FAM118B: variants seen among roughly 807,000 people sequenced by gnomAD.
FAM118B encodes the protein SIR2 antiphage like 1.
A neutral mutation model predicts 38.5 loss-of-function variants in FAM118B; 24 were observed. That is an observed-to-expected ratio of 0.62 (90% CI 0.45 to 0.88). The LOEUF (loss-of-function observed/expected upper bound fraction) is 0.88. Among genes scored for constraint, FAM118B ranks in the 40% least tolerant of loss-of-function variants. The pLI is 0.00. For missense variants in FAM118B, 334 were observed against 420.0 expected (o/e 0.80, Z 1.79); for synonymous variants, 138 against 156.3 (o/e 0.88, Z 0.87).
chr11:126,249,521 A>C lies in FAM118B; in HGVS notation c.340-985A>C, dbSNP rs1200301501. 2.6e-5 allele frequency among the ~76,000 whole-genome samples: 4 copies of C among 152,206 alleles called. No individual in the cohort carries two copies. In the East Asian group the frequency reaches 7.7e-4, roughly 29 times the overall value. Reference sequence around the variant, plus strand: ...GCTGAGGTGAGTGGATCACAAGGTCAGGAGTTCAAGACCAGCCTGGCCAAG... The same window carrying C: ...GCTGAGGTGAGTGGATCACAAGGTCCGGAGTTCAAGACCAGCCTGGCCAAG... On this transcript the variant is annotated intron_variant, in intron 4 of 8. Coordinates refer to ENST00000533050, the MANE Select transcript of FAM118B (RefSeq NM_024556.4).
At chr11:126,241,181 A>C in intron 4 of FAM118B, 137 bp downstream of exon 4, 1 of 950,598 alleles carries the variant, frequency 1.1e-6, no homozygotes, top group Non-Finnish European at 1.5e-6. Flanking sequence ...TTTCCATAAC[A>C]TTTGACTCTT....
Position 126,250,033 on chromosome 11 carries a change from T to C in FAM118B, c.340-473T>C, listed in dbSNP as rs1950476447. 6.6e-6 allele frequency among the ~76,000 whole-genome samples: 1 copy of C among 152,124 alleles called. No individual in the cohort carries two copies. The highest frequency in any genetic ancestry group is 1.9e-4 in the East Asian group (1 of 5,178). On this transcript the variant is annotated intron_variant, in intron 4 of 8. Transcript: ENST00000533050. The surrounding 1 kb of genome is among the most constrained non-coding windows in gnomAD (Gnocchi z 5.1). ...TAAGCATTGTGCTAAGCACTTGGCA[T>C]GTATCATCTCATCTTCCTTATTACG... is the stretch of plus-strand genomic sequence containing the variant.
rs80190007 is a variant in FAM118B at position 126,261,718 on chromosome 11, G to T, written c.1042+234G>T. 4.7e-3 allele frequency among the ~76,000 whole-genome samples: 714 copies of T among 152,310 alleles called. 4 individuals carry two copies. Among genetic ancestry groups the T allele is most frequent in the African/African-American group, 0.015 (637 of 41,558 alleles). On this transcript the variant is annotated intron_variant, in intron 8 of 8. Coordinates refer to ENST00000533050, the MANE Select transcript of FAM118B (RefSeq NM_024556.4). ...TTTGAAAAAAGTACTGCTGGGTGTG[G>T]TGGCTCAGGCCTGTAATCCCAGCAC...
intron 7 of FAM118B, among the ~76,000 whole-genome samples, chr11:126,258,968 G>A (rs1950626822): frequency 6.6e-6 from 1 of 152,180 alleles, no homozygotes; most frequent in Non-Finnish European, 1.5e-5. Context: ...TATTAGCTGT[G>A]TAGGCTTCCT....
chr11:126,241,099 A>C, intron 4 of FAM118B, 55 bp downstream of exon 4: 1 of 1,496,624 alleles, frequency 6.7e-7, no homozygotes, highest in Non-Finnish European at 9.0e-7. Flanking sequence ...TTTAACTATC[A>C]CAACTAGCAT....
intron 4 of FAM118B, among the ~76,000 whole-genome samples, chr11:126,249,309 G>A (rs1338841975): frequency 6.6e-6 from 1 of 152,182 alleles, no homozygotes; most frequent in Non-Finnish European, 1.5e-5. Context: ...GTATTAAATT[G>A]TTTACGTTAA....
In FAM118B at chr11:126,253,006, A is replaced by G. The variant is rs979505860; in HGVS notation, c.568-1299A>G. ...GCCAAGATTGCGCCACTGTGCTCCAATCTGGGCAACAGACCAAGACTCTGT... is the reference window on the plus strand; with the variant it reads ...GCCAAGATTGCGCCACTGTGCTCCAGTCTGGGCAACAGACCAAGACTCTGT... On this transcript the variant is annotated intron_variant, in intron 5 of 8. Transcript: ENST00000533050. This position sits in a 1 kb window ranked among gnomAD's most constrained non-coding sequence, Gnocchi z 5.1. 3.3e-5 allele frequency among the ~76,000 whole-genome samples: 5 copies of G among 152,210 alleles called. No individual in the cohort carries two copies. Among genetic ancestry groups the G allele is most frequent in the African/African-American group, 9.6e-5 (4 of 41,456 alleles).
intron 1 of FAM118B, among the ~76,000 whole-genome samples, chr11:126,222,593 G>C (rs147460207): frequency 3.9e-5 from 6 of 152,322 alleles, no homozygotes; most frequent in Non-Finnish European, 8.8e-5. Flanking sequence ...GAATCTTTAT[G>C]TTTAGGGATG....
In FAM118B at chr11:126,255,098, C is replaced by T. The variant is rs1950557127; in HGVS notation, c.696+665C>T. ...AGGCAGCTTCTTAACAAACCAACCA[C>T]TACTAGAGAATACATTCTAAAGAGA... On this transcript the variant is annotated intron_variant, in intron 6 of 8. Coordinates refer to ENST00000533050, the MANE Select transcript of FAM118B (RefSeq NM_024556.4). The surrounding 1 kb of genome is among the most constrained non-coding windows in gnomAD (Gnocchi z 4.6). 6.6e-6 allele frequency among the ~76,000 whole-genome samples: 1 copy of T among 152,194 alleles called. No individual in the cohort carries two copies. Among genetic ancestry groups the T allele is most frequent in the Non-Finnish European group, 1.5e-5 (1 of 68,032 alleles).
intron 1 of FAM118B, among the ~76,000 whole-genome samples, chr11:126,225,154 A>T (rs140325570): frequency 6.6e-6 from 1 of 152,330 alleles, no homozygotes; most frequent in East Asian, 1.9e-4. Context: ...TAAGAGAGGC[A>T]GCGATTGTGG....
At position 126,211,802 on chromosome 11, in the gene FAM118B, C is replaced by T; in HGVS notation, c.-105C>T. The T allele has an allele frequency of 1.4e-6, 1 of 720,998 alleles. No homozygotes were observed. The highest frequency in any genetic ancestry group is 2.7e-5 in the East Asian group (1 of 36,938). 44.7% of individuals were successfully genotyped at this position (720,998 alleles called of 1,614,324 possible). On this transcript the variant is annotated 5_prime_UTR_variant, in exon 1 of 9. Transcript: ENST00000533050. The stretch of plus-strand genomic sequence containing the variant: ...CGGCTGCGCCGGCCGGTAGCTGCAG[C>T]TGGAGCAGTGGCGTTTGGAGGAGAC...
intron 4 of FAM118B, among the ~76,000 whole-genome samples, chr11:126,245,996 C>CAAA (rs537478587): frequency 7.3e-5 from 6 of 82,264 alleles, no homozygotes; most frequent in African/African-American, 2.4e-4. Flanking sequence ...GACTCCGTCC[C>CAAA]AAAAAAAAAA....
intron 7 of FAM118B, among the ~76,000 whole-genome samples, chr11:126,259,150 G>A (rs1215216242): frequency 1.3e-5 from 2 of 152,180 alleles, no homozygotes; most frequent in African/African-American, 4.8e-5. Context: ...TTTGAAACGA[G>A]TCAACCTTAT....
intron 1 of FAM118B, chr11:126,214,490 GTTTTT>G (rs1340216655): frequency 3.9e-5 from 1 of 25,814 alleles, no homozygotes; most frequent in Non-Finnish European, 7.4e-5. Context: ...TTTTGTTTCT[GTTTTT>G]TTTTTTTGTT....
chr11:126,256,930 C>A lies in FAM118B; in HGVS notation c.982+78C>A. The A allele has an allele frequency of 1.4e-6, 2 of 1,402,746 alleles. No homozygotes were observed. The highest frequency in any genetic ancestry group is 1.3e-5 in the South Asian group (1 of 74,092). 86.9% of individuals were successfully genotyped at this position (1,402,746 alleles called of 1,614,324 possible). A position where few individuals can be genotyped will look rare whatever the true frequency, so the allele number is the denominator to read the frequency against. Reference sequence around the variant, plus strand: ...TTTTGTGTATTTGTGATGTGATGGGCAAAATAGTTGCCAAGATGAGGAATG... The same window carrying A: ...TTTTGTGTATTTGTGATGTGATGGGAAAAATAGTTGCCAAGATGAGGAATG... On this transcript the variant is annotated intron_variant, in intron 7 of 8. Coordinates refer to ENST00000533050, the MANE Select transcript of FAM118B (RefSeq NM_024556.4). This position sits in a 1 kb window ranked among gnomAD's most constrained non-coding sequence, Gnocchi z 6.6.
intron 1 of FAM118B, among the ~76,000 whole-genome samples, chr11:126,225,875 G>A (rs529914987): frequency 1.3e-5 from 2 of 152,286 alleles, no homozygotes; most frequent in South Asian, 4.1e-4. Flanking sequence ...AGCTATTTGG[G>A]AGGCTGAAGC....
intron 4 of FAM118B, among the ~76,000 whole-genome samples, chr11:126,246,302 T>C (rs1950418973): frequency 6.6e-6 from 1 of 152,198 alleles, no homozygotes; most frequent in Non-Finnish European, 1.5e-5. Context: ...AGCAGTACTA[T>C]GGCAGGGTTA....
intron 4 of FAM118B, among the ~76,000 whole-genome samples, chr11:126,242,534 C>T (rs145990896): frequency 1.0e-3 from 152 of 152,258 alleles, no homozygotes; most frequent in African/African-American, 3.6e-3. Context: ...ACTACTGTAA[C>T]TTAATAAAGG....
intron 1 of FAM118B, among the ~76,000 whole-genome samples, chr11:126,214,940 C>T (rs944620686): frequency 3.9e-5 from 6 of 152,172 alleles, no homozygotes; most frequent in African/African-American, 1.4e-4. Context: ...TTAAGTTACG[C>T]CTCCTCAAAC....
Sources: gnomAD v4.1 joint callset for allele counts (sites outside exome capture counted in the v4.1 genomes callset) on GRCh38, gnomAD v4.1.1 for gene constraint, Gnocchi (gnomAD v3.1) non-coding constraint, MANE v1.5 for transcripts, NCBI Gene and HGNC (gene_info 2026-07-23, HGNC 2026-07-21) for gene names.